Variants in OR2T6 observed in about 807,000 individuals in gnomAD.
OR2T6 encodes olfactory receptor 2T6.
For missense variants in OR2T6, 424 were observed against 391.6 expected, an observed-to-expected ratio of 1.08 and a Z score of -0.70; for synonymous variants, 174 against 148.0, an observed-to-expected ratio of 1.18 and a Z score of -1.27.
At chr1:248,382,667 G>C (rs929609789) in intron 1 of OR2T6, among the ~76,000 whole-genome samples, 2 of 151,706 alleles carry the variant, frequency 1.3e-5, no homozygotes, top group Non-Finnish European at 2.9e-5. Flanking sequence ...AGAGTAGCTG[G>C]GACTACAGGC....
chr1:248,388,381 C>T lies in OR2T6; in HGVS notation c.773C>T (p.Thr258Met), dbSNP rs141134612. The T allele has an allele frequency of 6.2e-5, 100 of 1,613,412 alleles. No individual in the cohort carries two copies. In the South Asian group the frequency reaches 6.5e-4, roughly 10 times the overall value. The stretch of plus-strand genomic sequence containing the variant: ...TTGTTCTATGGGGCTGCCTTGTATA[C>T]GTATACGCTTCCCCAATCTTACCAC... ...VTLFYGAALYTYTLPQSYHTP... is the reference protein window; with the variant it reads ...VTLFYGAALYMYTLPQSYHTP... The change falls in exon 3 of 3, where the codon ACG (threonine) becomes ATG (methionine). Residue 258 changes from threonine (T) to methionine (M), a missense_variant. Transcript: ENST00000641644.
Position 248,387,592 on chromosome 1 carries a change from A to G in OR2T6, c.-4-13A>G. The G allele has an allele frequency of 6.7e-7, 1 of 1,503,500 alleles. No homozygotes were observed. The highest frequency in any genetic ancestry group is 9.0e-7 in the Non-Finnish European group (1 of 1,109,148). The allele number at this position is 1,503,500 out of a possible 1,614,324, so 93.1% of individuals were successfully genotyped here. On this transcript the variant is annotated splice_polypyrimidine_tract_variant and intron_variant, in intron 2 of 2. Coordinates refer to ENST00000641644, the MANE Select transcript of OR2T6 (RefSeq NM_001005471.2). Reference sequence around the variant, plus strand: ...ACCCTGCTTCTCTTCTTATGCCTCCATTTCAAACTCAGTACCATGAATGAA... The same window carrying G: ...ACCCTGCTTCTCTTCTTATGCCTCCGTTTCAAACTCAGTACCATGAATGAA...
In OR2T6 at chr1:248,391,204, T is replaced by C. The variant is rs1412158226; in HGVS notation, c.*2669T>C. Reference sequence around the variant, plus strand: ...TAGATTTTTCATACATTCCAAAACATAGACTTAATCAGAAAGTCCTTCAGA... The same window carrying C: ...TAGATTTTTCATACATTCCAAAACACAGACTTAATCAGAAAGTCCTTCAGA... On this transcript the variant is annotated 3_prime_UTR_variant, in exon 3 of 3. Coordinates refer to ENST00000641644, the MANE Select transcript of OR2T6 (RefSeq NM_001005471.2). 1.3e-5 allele frequency: 2 copies of C among 152,226 alleles called. No individual in the cohort carries two copies. Among genetic ancestry groups the C allele is most frequent in the African/African-American group, 4.8e-5 (2 of 41,462 alleles). The allele number at this position is 152,226 out of a possible 1,614,324, so 9.4% of individuals were successfully genotyped here. A position where few individuals can be genotyped will look rare whatever the true frequency, so the allele number is the denominator to read the frequency against.
At chr1:248,379,150 G>A (rs1334061065) in intron 1 of OR2T6, among the ~76,000 whole-genome samples, 3 of 152,156 alleles carry the variant, frequency 2.0e-5, no homozygotes, top group East Asian at 1.9e-4. Context: ...GCTCCAGCCC[G>A]AGGAACAGAG....
intron 2 of OR2T6, among the ~76,000 whole-genome samples, chr1:248,386,255 G>T (rs1187553194): frequency 5.3e-5 from 8 of 152,166 alleles, no homozygotes; most frequent in Admixed American, 5.2e-4. Flanking sequence ...TATATTCATC[G>T]TGTATTCAAG....
In OR2T6 at chr1:248,388,458, T is replaced by G; in HGVS notation, c.850T>G (p.Leu284Val). 1 of 1,611,374 alleles carries G rather than the reference T, an allele frequency of 6.2e-7. No homozygotes were observed. Among genetic ancestry groups the G allele is most frequent in the Non-Finnish European group, 8.5e-7 (1 of 1,178,546 alleles). Residue 284 changes from leucine to valine, a missense_variant, in exon 3 of 3, where the codon TTA (leucine) becomes GTA (valine). Leu to Val is a conservative substitution (Grantham distance 32). Coordinates refer to ENST00000641644, the MANE Select transcript of OR2T6 (RefSeq NM_001005471.2). ...FSAFYTILTPLLNPLIYSLRN... is the reference protein window; with the variant it reads ...FSAFYTILTPVLNPLIYSLRN... Reference sequence around the variant, plus strand: ...TGCCTTTTATACCATCCTCACACCCTTATTAAACCCTCTCATCTACAGTCT... The same window carrying G: ...TGCCTTTTATACCATCCTCACACCCGTATTAAACCCTCTCATCTACAGTCT...
intron 1 of OR2T6, among the ~76,000 whole-genome samples, chr1:248,380,019 A>C (rs879468677): frequency 6.6e-6 from 1 of 151,782 alleles, no homozygotes; most frequent in African/African-American, 2.4e-5. Context: ...CCCCCCACCT[A>C]TATGTGTGTG....
chr1:248,380,229 T>C (rs961777068), intron 1 of OR2T6, among the ~76,000 whole-genome samples: 3 of 152,002 alleles, frequency 2.0e-5, no homozygotes, highest in African/African-American at 7.2e-5. Context: ...TTTAAAATCG[T>C]CTTCTTCATT....
rs1396310932 is a variant in OR2T6 at position 248,375,757 on chromosome 1, CTT to C, written c.-454_-453del. The C allele has an allele frequency of 6.6e-6, 1 of 151,078 alleles. No individual in the cohort carries two copies. The highest frequency in any genetic ancestry group is 1.5e-5 in the Non-Finnish European group (1 of 67,870). The allele number at this position is 151,078 out of a possible 1,614,324, so 9.4% of individuals were successfully genotyped here. On this transcript the variant is annotated 5_prime_UTR_variant, in exon 1 of 3. Transcript: ENST00000641644. ...TACTAGATTACTTAAACTCTTCCCT[CTT>C]TGGTTCCTGGAGCTGTGTGCACAGT...
rs553685280 is a variant in OR2T6 at position 248,376,657 on chromosome 1, AT to A, written c.-159+610del. 7.4e-4 allele frequency among the ~76,000 whole-genome samples: 111 copies of A among 149,802 alleles called. 2 individuals carry two copies. The highest frequency in any genetic ancestry group is 2.7e-3 in the African/African-American group (106 of 39,250). ...TGTATTTAATTTTTTTAATTTTTAA[AT>A]TTTTTTCAACTTTTATTTTAGATTC... On this transcript the variant is annotated intron_variant, in intron 1 of 2. Transcript: ENST00000641644.
intron 2 of OR2T6, among the ~76,000 whole-genome samples, chr1:248,387,097 T>C (rs983976506): frequency 3.3e-5 from 5 of 152,252 alleles, no homozygotes; most frequent in African/African-American, 1.2e-4. Context: ...AATGTAATCA[T>C]GTTTATTACA....
chr1:248,389,113 A>T lies in OR2T6; in HGVS notation c.*578A>T, dbSNP rs1021099849. 2 of 152,242 alleles carry T rather than the reference A, an allele frequency of 1.3e-5. No homozygotes were observed. Among genetic ancestry groups the T allele is most frequent in the Admixed American group, 1.3e-4 (2 of 15,286 alleles). The allele number at this position is 152,242 out of a possible 1,614,324, so 9.4% of individuals were successfully genotyped here. ...CTTTATCTACATTTGGAGCTAAAAA[A>T]AAATGAATCATGTGTTTTGTAGAAA... On this transcript the variant is annotated 3_prime_UTR_variant, in exon 3 of 3. Coordinates refer to ENST00000641644, the MANE Select transcript of OR2T6 (RefSeq NM_001005471.2).
chr1:248,379,455 A>G (rs545334224), intron 1 of OR2T6, among the ~76,000 whole-genome samples: 1 of 152,282 alleles, frequency 6.6e-6, no homozygotes, highest in East Asian at 1.9e-4. Flanking sequence ...TATCCAGGTC[A>G]CTTAGGGACA....
At position 248,387,903 on chromosome 1, in the gene OR2T6, G is replaced by A. The variant is rs6683656; in HGVS notation, c.295G>A (p.Ala99Thr). ...GACCATCTCTTTCATCGCCTGCACTGCTCAGTGCTTTCTCTACATGGGCTT... is the reference window on the plus strand; with the variant it reads ...GACCATCTCTTTCATCGCCTGCACTACTCAGTGCTTTCTCTACATGGGCTT... ...EGTISFIACT[A>T]QCFLYMGFMG... Residue 99 changes from alanine to threonine, a missense_variant, in exon 3 of 3, where the codon GCT (alanine) becomes ACT (threonine). By Grantham distance (58) the Ala-to-Thr change is moderately conservative. Coordinates refer to ENST00000641644, the MANE Select transcript of OR2T6 (RefSeq NM_001005471.2). 8.8e-3 allele frequency: 14,173 copies of A among 1,602,008 alleles called. 1,022 individuals are homozygous for A. The African/African-American group carries it at 0.16, about 18-fold the overall frequency.
rs1195250434 is a variant in OR2T6, at chr1:248,387,592, A to C, written c.-4-13A>C. On this transcript the variant is annotated splice_polypyrimidine_tract_variant and intron_variant, in intron 2 of 2. Transcript: ENST00000641644. ...ACCCTGCTTCTCTTCTTATGCCTCC[A>C]TTTCAAACTCAGTACCATGAATGAA... 1 of 1,503,380 alleles carries C rather than the reference A, an allele frequency of 6.7e-7. No individual in the cohort carries two copies. Among genetic ancestry groups the C allele is most frequent in the African/African-American group, 1.4e-5 (1 of 71,974 alleles). 93.1% of individuals were successfully genotyped at this position (1,503,380 alleles called of 1,614,324 possible). A position where few individuals can be genotyped will look rare whatever the true frequency, so the allele number is the denominator to read the frequency against.
At position 248,389,106 on chromosome 1, in the gene OR2T6, C is replaced by CT. The variant is rs1399779863; in HGVS notation, c.*572dup. 7.0e-6 allele frequency: 1 copy of CT among 143,558 alleles called. No individual in the cohort carries two copies. The highest frequency in any genetic ancestry group is 1.5e-5 in the Non-Finnish European group (1 of 66,144). 8.9% of individuals were successfully genotyped at this position (143,558 alleles called of 1,614,324 possible). ...ACTCCTCCTTTATCTACATTTGGAG[C>CT]TAAAAAAAAATGAATCATGTGTTTT... is the stretch of plus-strand genomic sequence containing the variant. On this transcript the variant is annotated 3_prime_UTR_variant, in exon 3 of 3. Coordinates refer to ENST00000641644, the MANE Select transcript of OR2T6 (RefSeq NM_001005471.2).
intron 1 of OR2T6, among the ~76,000 whole-genome samples, chr1:248,377,098 A>G (rs1049811839): frequency 6.6e-6 from 1 of 152,214 alleles, no homozygotes; most frequent in Non-Finnish European, 1.5e-5. Context: ...TTGGTTGGTC[A>G]GATGTTGTCA....
intron 1 of OR2T6, among the ~76,000 whole-genome samples, chr1:248,378,204 G>GA (rs1178311566): frequency 6.6e-6 from 1 of 152,198 alleles, no homozygotes; most frequent in South Asian, 2.1e-4. Flanking sequence ...GACGCTTACA[G>GA]AAAAAAATGG....
At chr1:248,381,517 T>G (rs1661027972) in intron 1 of OR2T6, among the ~76,000 whole-genome samples, 2 of 152,198 alleles carry the variant, frequency 1.3e-5, no homozygotes, top group South Asian at 4.1e-4. Context: ...TTTCTGGTAC[T>G]TCTTAATTTT....
Sources: gnomAD v4.1 joint callset for allele counts (sites outside exome capture counted in the v4.1 genomes callset) on GRCh38, gnomAD v4.1.1 for gene constraint, MANE v1.5 for transcripts, NCBI Gene and HGNC (gene_info 2026-07-23, HGNC 2026-07-21) for gene names.